FAM222B: variants seen among roughly 807,000 people sequenced by gnomAD.
FAM222B encodes family with sequence similarity 222 member B.
Under a neutral mutation model 38.0 loss-of-function variants are expected in FAM222B, and 12 were observed. The ratio of observed to expected loss-of-function variants is 0.32; its 90% CI spans 0.20 to 0.51. FAM222B has a LOEUF of 0.51. FAM222B is among the 20% of genes least tolerant of loss of function. The probability of loss-of-function intolerance (pLI) is 0.97; values close to 1 mark genes in which losing one functional copy is unlikely to be tolerated. For synonymous variants in FAM222B, 329 were observed against 317.2 expected (o/e 1.04, Z -0.40); for missense variants, 716 against 754.2 (o/e 0.95, Z 0.59).
chr17:28,834,478 CT>C (rs34655200), intron 1 of FAM222B, among the ~76,000 whole-genome samples: 28,658 of 152,050 alleles, frequency 0.19, 2,836 homozygotes, highest in South Asian at 0.3. Context: ...ACATCTGTAT[CT>C]TTGTACAAGC....
chr17:28,795,660 G>C (rs1042608639), intron 1 of FAM222B, among the ~76,000 whole-genome samples: 5 of 151,988 alleles, frequency 3.3e-5, no homozygotes, highest in Non-Finnish European at 7.4e-5. Flanking sequence ...TCAAACTCCT[G>C]GGTTTAAGCA....
At position 28,759,643 on chromosome 17, in the gene FAM222B, T is replaced by C. The variant is rs1247152952; in HGVS notation, c.316A>G (p.Lys106Glu). Reference protein sequence around the residue: ...ATKAGLLAIVKVPAKSILKDF... With the variant: ...ATKAGLLAIVEVPAKSILKDF... ...TTGAGTATGCTTTTGGCTGGCACTT[T>C]GACAATGGCAAGCAGGCCTGCCTTG... Residue 106 changes from lysine (K) to glutamate (E), a missense_variant, in exon 3 of 3, where the codon AAA becomes GAA. Coordinates refer to ENST00000581407, the MANE Select transcript of FAM222B (RefSeq NM_001077498.3). The surrounding 1 kb of genome is among the most constrained non-coding windows in gnomAD (Gnocchi z 4.8). 22 of 1,613,164 alleles carry C rather than the reference T, an allele frequency of 1.4e-5. No homozygotes were observed. The highest frequency in any genetic ancestry group is 1.9e-5 in the Non-Finnish European group (22 of 1,179,546).
At chr17:28,765,858 G>GAACTAAAGAAGTC (rs2035305066) in intron 2 of FAM222B, among the ~76,000 whole-genome samples, 1 of 152,130 alleles carries the variant, frequency 6.6e-6, no homozygotes. Flanking sequence ...GACTTCCTGT[G>GAACTAAAGAAGTC]AACTAAAGTC....
chr17:28,792,931 T>G (rs1292708689), intron 1 of FAM222B, among the ~76,000 whole-genome samples: 3 of 152,082 alleles, frequency 2.0e-5, no homozygotes, highest in Non-Finnish European at 4.4e-5. Context: ...TTCATCTTTT[T>G]TTTTAAGATA....
chr17:28,815,180 G>C (rs976606192), intron 1 of FAM222B, among the ~76,000 whole-genome samples: 2 of 151,566 alleles, frequency 1.3e-5, no homozygotes, highest in African/African-American at 2.4e-5. Flanking sequence ...TAAGAATACA[G>C]GTAGGGAGAA....
At position 28,756,045 on chromosome 17, in the gene FAM222B, CAGGTG is replaced by C. The variant is rs1437876757; in HGVS notation, c.*2220_*2224del. On this transcript the variant is annotated 3_prime_UTR_variant, in exon 3 of 3. Coordinates refer to ENST00000581407, the MANE Select transcript of FAM222B (RefSeq NM_001077498.3). ...ACCCCATCACACCCATAAACCACCA[CAGGTG>C]AGGTGAGAGAGATGGAGAATGAATG... 2 of 152,590 alleles carry C rather than the reference CAGGTG, an allele frequency of 1.3e-5. No individual in the cohort carries two copies. Among genetic ancestry groups the C allele is most frequent in the East Asian group, 1.9e-4 (1 of 5,200 alleles). The allele number at this position is 152,590 out of a possible 1,614,324, so 9.5% of individuals were successfully genotyped here.
intron 1 of FAM222B, among the ~76,000 whole-genome samples, chr17:28,813,244 C>G (rs1430743634): frequency 6.6e-6 from 1 of 151,466 alleles, no homozygotes; most frequent in Non-Finnish European, 1.5e-5. Flanking sequence ...CAGTTAAATC[C>G]CAAGATAACA....
rs118033108 is a variant in FAM222B, at chr17:28,825,297, G to A, written c.-41+17385C>T. 1.4e-3 allele frequency among the ~76,000 whole-genome samples: 215 copies of A among 151,832 alleles called. 4 individuals carry two copies. In the East Asian group the frequency reaches 0.024, roughly 17 times the overall value. On this transcript the variant is annotated intron_variant, in intron 1 of 2. Coordinates refer to ENST00000581407, the MANE Select transcript of FAM222B (RefSeq NM_001077498.3). ...AAAATACAAAAAAAATTAGCCGGAC[G>A]TAGAGGCGTGCACCTATGGTCCCAG...
chr17:28,756,630 G>C lies in FAM222B; in HGVS notation c.*1640C>G, dbSNP rs1203551263. 1 of 152,590 alleles carries C rather than the reference G, an allele frequency of 6.6e-6. No individual in the cohort carries two copies. The highest frequency in any genetic ancestry group is 2.4e-5 in the African/African-American group (1 of 41,432). The allele number at this position is 152,590 out of a possible 1,614,324, so 9.5% of individuals were successfully genotyped here. A position where few individuals can be genotyped will look rare whatever the true frequency, so the allele number is the denominator to read the frequency against. ...GCTACAGGTGCTCCTGGGGGATCAG[G>C]ACAGGGAGGTACCAGTGTTCACAGA... On this transcript the variant is annotated 3_prime_UTR_variant, in exon 3 of 3. Coordinates refer to ENST00000581407, the MANE Select transcript of FAM222B (RefSeq NM_001077498.3).
At chr17:28,771,595 C>T (rs760519293) in intron 1 of FAM222B, among the ~76,000 whole-genome samples, 3 of 151,914 alleles carry the variant, frequency 2.0e-5, no homozygotes, top group Non-Finnish European at 2.9e-5. Flanking sequence ...GCATGATGAT[C>T]GCTTGAACCT....
intron 1 of FAM222B, among the ~76,000 whole-genome samples, chr17:28,778,785 G>C (rs1461312068): frequency 1.8e-5 from 2 of 112,728 alleles, no homozygotes; most frequent in African/African-American, 3.5e-5. Flanking sequence ...GCCTGGTCTT[G>C]AACTCCGAAC....
chr17:28,852,805 A>G (rs2039191722), intron 1 of FAM222B, among the ~76,000 whole-genome samples: 1 of 151,828 alleles, frequency 6.6e-6, no homozygotes, highest in Admixed American at 6.6e-5. Context: ...ATGCCTGTAA[A>G]CTCGCACTTG....
chr17:28,758,222 T>C lies in FAM222B; in HGVS notation c.*48A>G, dbSNP rs2034804210. ...ATCCAGTTACTTAAAAGACTAAACC[T>C]AGGAGGGTGATGTATGATGTGTTGC... On this transcript the variant is annotated 3_prime_UTR_variant, in exon 3 of 3. Transcript: ENST00000581407. 4.2e-6 allele frequency: 6 copies of C among 1,435,628 alleles called. No individual in the cohort carries two copies. In the African/African-American group the frequency reaches 8.6e-5, roughly 21 times the overall value. 88.9% of individuals were successfully genotyped at this position (1,435,628 alleles called of 1,614,324 possible).
intron 1 of FAM222B, among the ~76,000 whole-genome samples, chr17:28,827,981 C>T (rs1012713550): frequency 1.3e-5 from 2 of 150,768 alleles, no homozygotes; most frequent in Non-Finnish European, 2.9e-5. Flanking sequence ...AAGAATTTGG[C>T]AATATGGTAT....
intron 1 of FAM222B, chr17:28,834,855 T>A (rs540420900): frequency 2.9e-3 from 272 of 94,668 alleles, no homozygotes; most frequent in African/African-American, 8.9e-3. Flanking sequence ...AAAAAGTCAA[T>A]TTTTTTTTTT....
At chr17:28,836,328 A>G (rs1448648357) in intron 1 of FAM222B, among the ~76,000 whole-genome samples, 1 of 151,544 alleles carries the variant, frequency 6.6e-6, no homozygotes, top group Non-Finnish European at 1.5e-5. Flanking sequence ...CCCATGAAAT[A>G]GTATGATCCA....
rs763038529 is a variant in FAM222B, at chr17:28,759,299, C to T, written c.660G>A (p.Gln220=). ...HPQALAHQGL[Q]HPHNPLLHGG... ...CATGCAGCAAGGGATTGTGGGGGTG[C>T]TGGAGACCCTGGTGAGCCAGGGCCT... The change falls in exon 3 of 3, where the codon CAG becomes CAA. Residue 220 remains glutamine (Q), a synonymous_variant. Transcript: ENST00000581407. The surrounding 1 kb of genome is among the most constrained non-coding windows in gnomAD (Gnocchi z 4.8). 8 of 1,612,230 alleles carry T rather than the reference C, an allele frequency of 5.0e-6. No individual in the cohort carries two copies. Among genetic ancestry groups the T allele is most frequent in the Non-Finnish European group, 6.8e-6 (8 of 1,179,276 alleles).
At position 28,757,576 on chromosome 17, in the gene FAM222B, A is replaced by C. The variant is rs1056641395; in HGVS notation, c.*694T>G. 2 of 152,236 alleles carry C rather than the reference A, an allele frequency of 1.3e-5. No homozygotes were observed. The highest frequency in any genetic ancestry group is 4.8e-5 in the African/African-American group (2 of 41,536). The allele number at this position is 152,236 out of a possible 1,614,324, so 9.4% of individuals were successfully genotyped here. On this transcript the variant is annotated 3_prime_UTR_variant, in exon 3 of 3. Transcript: ENST00000581407. ...TCACTGTATTTTTCTAGGTTTGGAA[A>C]GGGGAGTCTGGAACCAAGATGCCAA...
intron 2 of FAM222B, among the ~76,000 whole-genome samples, chr17:28,765,377 C>G (rs1442128573): frequency 6.6e-6 from 1 of 152,140 alleles, no homozygotes; most frequent in Non-Finnish European, 1.5e-5. Context: ...CTGCCGTTGC[C>G]CTACAATGCC....
Sources: allele counts gnomAD v4.1 joint callset (sites outside exome capture counted in the v4.1 genomes callset), GRCh38; gene constraint gnomAD v4.1.1; non-coding constraint Gnocchi (gnomAD v3.1); transcripts MANE v1.5; gene names NCBI Gene and HGNC (gene_info 2026-07-23, HGNC 2026-07-21).